Variants in AHRR observed in about 807,000 individuals in gnomAD.
The protein encoded by AHRR is ahR repressor.
AHRR carries 28 observed loss-of-function variants against 44.0 expected under a neutral mutation model. That is an observed-to-expected ratio of 0.64 (90% CI 0.47 to 0.87). The LOEUF (loss-of-function observed/expected upper bound fraction) is 0.87, where lower values mean the gene tolerates loss of function less well. AHRR is among the 40% of genes least tolerant of loss of function. The pLI, the probability that AHRR is intolerant of heterozygous loss-of-function variation, is 0.00. For missense variants in AHRR, 990 were observed against 953.9 expected (o/e 1.04, Z -0.50); for synonymous variants, 434 against 407.0 (o/e 1.07, Z -0.80).
At chr5:333,524 AG>A (rs1393880188) in intron 1 of AHRR, among the ~76,000 whole-genome samples, 5 of 152,122 alleles carry the variant, frequency 3.3e-5, no homozygotes, top group African/African-American at 1.2e-4. Context: ...TGAACCTGGG[AG>A]GCGGAGGTTG....
chr5:376,027 G>A (rs966788516), intron 3 of AHRR, among the ~76,000 whole-genome samples: 6 of 152,348 alleles, frequency 3.9e-5, no homozygotes, highest in South Asian at 2.1e-4. Context: ...TGTTCTGTGC[G>A]GCCCCTGGGG....
intron 5 of AHRR, among the ~76,000 whole-genome samples, chr5:420,403 G>A (rs1008701981): frequency 1.1e-4 from 15 of 140,678 alleles, no homozygotes; most frequent in Non-Finnish European, 2.2e-4. Flanking sequence ...CGGACTCCCC[G>A]AGCAAAGGAG....
intron 7 of AHRR, among the ~76,000 whole-genome samples, chr5:424,489 GCT>G (rs1177844898): frequency 6.6e-6 from 1 of 151,852 alleles, no homozygotes; most frequent in Non-Finnish European, 1.5e-5. Flanking sequence ...TGGGCACTGA[GCT>G]CTGTGCACCC....
At chr5:354,376 G>A (rs1236078308) in intron 3 of AHRR, among the ~76,000 whole-genome samples, 1 of 152,216 alleles carries the variant, frequency 6.6e-6, no homozygotes, top group African/African-American at 2.4e-5. Context: ...GGGACCCGGG[G>A]GCTGCCCTGG....
chr5:419,570 T>C lies in AHRR; in HGVS notation c.442-3159T>C, dbSNP rs1212459375. On this transcript the variant is annotated intron_variant, in intron 5 of 10. Transcript: ENST00000684583. The surrounding 1 kb of genome is among the most constrained non-coding windows in gnomAD (Gnocchi z 4.4). ...CCTCTGGATGCTGGTTCCTCTGCGT[T>C]TCACTTCTAAAAAACTGGCCCTAAA... 1.3e-5 allele frequency among the ~76,000 whole-genome samples: 2 copies of C among 152,154 alleles called. No individual in the cohort carries two copies. The highest frequency in any genetic ancestry group is 2.9e-5 in the Non-Finnish European group (2 of 68,024).
At chr5:433,269 C>T (rs931124172) in intron 10 of AHRR, among the ~76,000 whole-genome samples, 3 of 152,116 alleles carry the variant, frequency 2.0e-5, no homozygotes, top group Admixed American at 6.5e-5. Flanking sequence ...CTCATCTTGC[C>T]TTTGCTCAGA....
At chr5:402,554 G>A (rs966664205) in intron 4 of AHRR, among the ~76,000 whole-genome samples, 3 of 152,134 alleles carry the variant, frequency 2.0e-5, no homozygotes, top group African/African-American at 7.2e-5. Flanking sequence ...GGGGACCCTC[G>A]TGCACTGTTG....
At chr5:427,095 GTGGA>G (rs1038112185) in intron 7 of AHRR, among the ~76,000 whole-genome samples, 5 of 151,816 alleles carry the variant, frequency 3.3e-5, no homozygotes, top group African/African-American at 7.3e-5. Context: ...AGATAGATTG[GTGGA>G]TGGATGGATG....
chr5:428,163 C>T (rs1194231011), intron 8 of AHRR, among the ~76,000 whole-genome samples, 157 bp downstream of exon 8: 2 of 152,230 alleles, frequency 1.3e-5, no homozygotes, highest in Admixed American at 1.3e-4. Flanking sequence ...TAGGCAGCAG[C>T]GATTAGATGA....
intron 4 of AHRR, among the ~76,000 whole-genome samples, chr5:394,939 C>T (rs1274637478): frequency 6.6e-6 from 1 of 152,216 alleles, no homozygotes; most frequent in African/African-American, 2.4e-5. Flanking sequence ...GGCGGTGCGG[C>T]CGTGTCAAGC....
chr5:391,864 G>A (rs1455300368), intron 4 of AHRR, among the ~76,000 whole-genome samples: 1 of 41,248 alleles, frequency 2.4e-5, no homozygotes, highest in African/African-American at 2.6e-4. Context: ...GAGCGTGCAC[G>A]GGCGCAGGGC....
intron 3 of AHRR, among the ~76,000 whole-genome samples, chr5:364,624 AAG>A (rs1393057571): frequency 6.6e-6 from 1 of 152,164 alleles, no homozygotes; most frequent in Non-Finnish European, 1.5e-5. Flanking sequence ...GAAAGGAAAA[AAG>A]AAACACAAAA....
At chr5:401,053 C>T (rs750467958) in intron 4 of AHRR, among the ~76,000 whole-genome samples, 11 of 152,208 alleles carry the variant, frequency 7.2e-5, no homozygotes, top group East Asian at 3.9e-4. Flanking sequence ...CACCACTGCC[C>T]GGCTCAGAGC....
intron 4 of AHRR, among the ~76,000 whole-genome samples, chr5:382,206 C>G (rs1297570138): frequency 1.3e-5 from 2 of 152,202 alleles, no homozygotes; most frequent in Non-Finnish European, 2.9e-5. Flanking sequence ...GTATTCCCTT[C>G]TCTTCTGTTT....
chr5:410,570 A>G (rs534998026), intron 4 of AHRR, among the ~76,000 whole-genome samples: 6 of 152,296 alleles, frequency 3.9e-5, no homozygotes, highest in Non-Finnish European at 8.8e-5. Flanking sequence ...CTTTAAAATG[A>G]TGATTGGGAT....
chr5:396,662 C>G (rs912027319), intron 4 of AHRR, among the ~76,000 whole-genome samples: 1 of 152,172 alleles, frequency 6.6e-6, no homozygotes, highest in African/African-American at 2.4e-5. Context: ...TTTCAGGAGT[C>G]CATCAGATGT....
In AHRR at chr5:395,394, C is replaced by T. The variant is rs1734655985; in HGVS notation, c.352-17950C>T. ...TCCCGGGAGAGGACAAGGTGGCAAA[C>T]AGGAAGGGCAGCTGACTCACCAGCC... On this transcript the variant is annotated intron_variant, in intron 4 of 10. Coordinates refer to ENST00000684583, the MANE Select transcript of AHRR (RefSeq NM_001377236.1). The surrounding 1 kb of genome is among the most constrained non-coding windows in gnomAD (Gnocchi z 5.3). Among the ~76,000 whole-genome samples the T allele has an allele frequency of 6.6e-6, 1 of 152,218 alleles. No homozygotes were observed. The highest frequency in any genetic ancestry group is 2.1e-4 in the South Asian group (1 of 4,832).
chr5:328,694 A>G (rs1027440464), intron 1 of AHRR, among the ~76,000 whole-genome samples: 2 of 151,822 alleles, frequency 1.3e-5, no homozygotes, highest in African/African-American at 4.8e-5. Flanking sequence ...AAAACTGTCT[A>G]TTCATGTCCT....
At chr5:417,477 A>T (rs939551979) in intron 5 of AHRR, among the ~76,000 whole-genome samples, 1 of 152,142 alleles carries the variant, frequency 6.6e-6, no homozygotes, top group Non-Finnish European at 1.5e-5. Context: ...GAGTCTAGAG[A>T]AGGCCGCTTG....
Sources: allele counts gnomAD v4.1 joint callset (sites outside exome capture counted in the v4.1 genomes callset), GRCh38; gene constraint gnomAD v4.1.1; non-coding constraint Gnocchi (gnomAD v3.1); transcripts MANE v1.5; gene names NCBI Gene and HGNC (gene_info 2026-07-23, HGNC 2026-07-21).